The following CNTNAP2 variants were observed in gnomAD, a reference collection of about 807,000 sequenced individuals.
The protein encoded by CNTNAP2 is contactin associated protein 2, also known as contactin-associated protein-like 2.
CNTNAP2 carries 98 observed loss-of-function variants against 155.2 expected under a neutral mutation model. The observed-to-expected ratio is 0.63, with a 90% CI of 0.54 to 0.75. The LOEUF is 0.75. Among genes scored for constraint, CNTNAP2 ranks in the 30% least tolerant of loss-of-function variants. The pLI is 0.00. For missense variants in CNTNAP2, 1,727 were observed against 1,688.1 expected, an observed-to-expected ratio of 1.02 and a Z score of -0.40; for synonymous variants, 651 against 631.2, an observed-to-expected ratio of 1.03 and a Z score of -0.47.
chr7:148,166,088 T>C lies in CNTNAP2; in HGVS notation c.2774-6154T>C, dbSNP rs188537760. ...CCTATCCTAACCACCCTACTTGAAA[T>C]TGCAGCCTCCCCCACCCCACTCCAA... On this transcript the variant is annotated intron_variant, in intron 17 of 23. Coordinates refer to ENST00000361727, the MANE Select transcript of CNTNAP2 (RefSeq NM_014141.6). Among the ~76,000 whole-genome samples the C allele has an allele frequency of 1.3e-4, 19 of 151,982 alleles. No individual in the cohort carries two copies. In the East Asian group the frequency reaches 3.7e-3, roughly 30 times the overall value.
rs1796156154 is a variant in CNTNAP2, at chr7:148,241,360, G to T, written c.3381+11581G>T. On this transcript the variant is annotated intron_variant, in intron 20 of 23. Transcript: ENST00000361727. ...TACCAACAGGCTCTTTGGGACTATG[G>T]TTTCTTTCCATTGATTTGTAGTTCA... Among the ~76,000 whole-genome samples, 3 of 152,138 alleles carry T rather than the reference G, an allele frequency of 2.0e-5. No individual in the cohort carries two copies. The South Asian group carries it at 6.2e-4, about 32-fold the overall frequency.
intron 10 of CNTNAP2, among the ~76,000 whole-genome samples, chr7:147,479,963 A>G (rs1798393045): frequency 1.3e-5 from 2 of 152,166 alleles, no homozygotes; most frequent in Admixed American, 1.3e-4. Flanking sequence ...AGAAGGCAGG[A>G]TAAAATAAAT....
chr7:147,595,297 A>C (rs911318959), intron 12 of CNTNAP2, among the ~76,000 whole-genome samples: 2 of 152,090 alleles, frequency 1.3e-5, no homozygotes, highest in Admixed American at 1.3e-4. Context: ...AGTAGCCCTG[A>C]TCTCTGTTTA....
chr7:147,287,945 T>C (rs1325941479), intron 8 of CNTNAP2, among the ~76,000 whole-genome samples: 1 of 152,144 alleles, frequency 6.6e-6, no homozygotes, highest in Non-Finnish European at 1.5e-5. Context: ...AGCATCCTAA[T>C]AGATGTCCTT....
At chr7:148,307,543 A>G (rs1158944444) in intron 21 of CNTNAP2, among the ~76,000 whole-genome samples, 1 of 152,082 alleles carries the variant, frequency 6.6e-6, no homozygotes, top group Non-Finnish European at 1.5e-5. Context: ...TTGTTCTTAC[A>G]CCTTCGTATA....
chr7:146,723,552 A>G (rs1428168007), intron 1 of CNTNAP2, among the ~76,000 whole-genome samples: 1 of 152,220 alleles, frequency 6.6e-6, no homozygotes, highest in Non-Finnish European at 1.5e-5. Flanking sequence ...TATATAGCCA[A>G]CGGTTACATT....
At chr7:146,749,301 A>T (rs1161252013) in intron 1 of CNTNAP2, among the ~76,000 whole-genome samples, 1 of 152,188 alleles carries the variant, frequency 6.6e-6, no homozygotes, top group East Asian at 1.9e-4. Context: ...TAAAGTAAAC[A>T]CTTTTATTAC....
chr7:146,958,894 C>G (rs920903755), intron 3 of CNTNAP2, among the ~76,000 whole-genome samples: 1 of 152,054 alleles, frequency 6.6e-6, no homozygotes, highest in African/African-American at 2.4e-5. Flanking sequence ...AAATCCTCTT[C>G]TTATCATTTT....
intron 17 of CNTNAP2, among the ~76,000 whole-genome samples, chr7:148,168,610 T>A (rs1239063641): frequency 1.3e-5 from 2 of 151,226 alleles, no homozygotes; most frequent in Non-Finnish European, 3.0e-5. Flanking sequence ...ATACCTAATG[T>A]TAAATGACAA....
chr7:147,615,703 C>G (rs571449215), intron 12 of CNTNAP2, among the ~76,000 whole-genome samples: 1 of 151,884 alleles, frequency 6.6e-6, no homozygotes, highest in African/African-American at 2.4e-5. Context: ...AAAGAAAAAT[C>G]GTTTTTTTTT....
rs56954091 is a variant in CNTNAP2 at position 146,850,390 on chromosome 7, A to T, written c.402+10486A>T. ...ATGATATTAATATGCAGCTTGGAAG[A>T]TGTCTGTGAAAACTCCTGTGATTTA... On this transcript the variant is annotated intron_variant, in intron 3 of 23. Coordinates refer to ENST00000361727, the MANE Select transcript of CNTNAP2 (RefSeq NM_014141.6). 6.2e-3 allele frequency among the ~76,000 whole-genome samples: 938 copies of T among 152,326 alleles called. 11 individuals are homozygous for T. Among genetic ancestry groups the T allele is most frequent in the African/African-American group, 0.022 (896 of 41,574 alleles).
intron 14 of CNTNAP2, 102 bp from the exon 15 acceptor site, chr7:147,977,760 G>A (rs1189423334): frequency 7.3e-6 from 11 of 1,517,092 alleles, no homozygotes; most frequent in East Asian, 2.3e-5. Flanking sequence ...ACTTCCAAAC[G>A]ATTACTGAAA....
At chr7:146,672,143 C>G (rs1482131135) in intron 1 of CNTNAP2, among the ~76,000 whole-genome samples, 1 of 152,124 alleles carries the variant, frequency 6.6e-6, no homozygotes, top group Admixed American at 6.6e-5. Flanking sequence ...CTGAGGTTAT[C>G]TCCACATTGC....
intron 12 of CNTNAP2, among the ~76,000 whole-genome samples, chr7:147,604,759 G>T (rs979145797): frequency 6.6e-6 from 1 of 152,158 alleles, no homozygotes; most frequent in African/African-American, 2.4e-5. Context: ...GTCATGTTGT[G>T]TACTTGGAAT....
intron 1 of CNTNAP2, among the ~76,000 whole-genome samples, chr7:146,710,255 A>G (rs545215280): frequency 7.2e-5 from 11 of 152,324 alleles, no homozygotes; most frequent in African/African-American, 2.6e-4. Flanking sequence ...GAATATGAAA[A>G]CAAATGTCAT....
chr7:146,324,779 A>ATATATG (rs764254745), intron 1 of CNTNAP2, among the ~76,000 whole-genome samples: 21 of 151,498 alleles, frequency 1.4e-4, no homozygotes, highest in African/African-American at 4.6e-4. Context: ...AAGAGTAATT[A>ATATATG]TATATATATA....
At chr7:147,915,542 GCATGTGC>G (rs1800143519) in intron 14 of CNTNAP2, among the ~76,000 whole-genome samples, 9 of 152,200 alleles carry the variant, frequency 5.9e-5, no homozygotes, top group Admixed American at 5.9e-4. Context: ...AAATGTGTGT[GCATGTGC>G]TTGTCTGTGT....
At chr7:147,033,160 GTATATATATATATATA>G (rs3081742) in intron 3 of CNTNAP2, among the ~76,000 whole-genome samples, 3,727 of 90,830 alleles carry the variant, frequency 0.041, 95 homozygotes, top group Admixed American at 0.065. Flanking sequence ...ATATATATAT[GTATATATATATATATA>G]TATATATATA....
At chr7:147,044,730 G>A (rs373327134) in intron 4 of CNTNAP2, among the ~76,000 whole-genome samples, 1 of 149,888 alleles carries the variant, frequency 6.7e-6, no homozygotes, top group Non-Finnish European at 1.5e-5. Flanking sequence ...GCTAATTTTT[G>A]CAAATGGTAC....
Sources: allele counts gnomAD v4.1 joint callset (sites outside exome capture counted in the v4.1 genomes callset), GRCh38; gene constraint gnomAD v4.1.1; transcripts MANE v1.5; gene names NCBI Gene and HGNC (gene_info 2026-07-23, HGNC 2026-07-21).